The following ZDHHC8 variants were observed in gnomAD, a reference collection of about 807,000 sequenced individuals.
ZDHHC8 encodes the protein palmitoyltransferase ZDHHC8.
A neutral mutation model predicts 61.2 loss-of-function variants in ZDHHC8; 24 were observed. The observed-to-expected ratio is 0.39, with a 90% confidence interval of 0.28 to 0.55. The LOEUF (loss-of-function observed/expected upper bound fraction) is 0.55, where lower values mean the gene tolerates loss of function less well. Among genes scored for constraint, ZDHHC8 ranks in the 20% least tolerant of loss-of-function variants. The probability of loss-of-function intolerance (pLI) is 0.60; values close to 1 mark genes in which losing one functional copy is unlikely to be tolerated. For synonymous variants in ZDHHC8, 523 were observed against 492.5 expected, an observed-to-expected ratio of 1.06 and a Z score of -0.82; for missense variants, 935 against 1,102.1, an observed-to-expected ratio of 0.85 and a Z score of 2.15.
In ZDHHC8 at chr22:20,145,887, G is replaced by T. The variant is rs186872897; in HGVS notation, c.*487G>T. 227 of 985,960 alleles carry T rather than the reference G, an allele frequency of 2.3e-4. No homozygotes were observed. In the African/African-American group the frequency reaches 3.3e-3, roughly 14 times the overall value. 61.1% of individuals were successfully genotyped at this position (985,960 alleles called of 1,614,324 possible). On this transcript the variant is annotated 3_prime_UTR_variant, in exon 11 of 11. Coordinates refer to ENST00000334554, the MANE Select transcript of ZDHHC8 (RefSeq NM_013373.4). ...CCCCGCCAGGCTACTCCTAACTAAC[G>T]CGTTGCCTTTCACGGACCCCGCTGG...
chr22:20,143,100 C>T lies in ZDHHC8; in HGVS notation c.1470C>T (p.Gly490=), dbSNP rs1335772600. 2 of 1,612,228 alleles carry T rather than the reference C, an allele frequency of 1.2e-6. No homozygotes were observed. The highest frequency in any genetic ancestry group is 1.3e-5 in the African/African-American group (1 of 74,918). ...TGCTCAATCCTGGCTCGCCTGGTGG[C>T]CACGCCTGCCCTGCCCACCCAGCAG... ...DSLLNPGSPG[G]HACPAHPAVG... Residue 490 remains glycine, a synonymous_variant, in exon 10 of 11, where the codon GGC becomes GGT. Transcript: ENST00000334554.
intron 1 of ZDHHC8, among the ~76,000 whole-genome samples, chr22:20,138,084 G>A (rs536736145): frequency 6.6e-6 from 1 of 152,276 alleles, no homozygotes; most frequent in South Asian, 2.1e-4. Context: ...GGGCGGCGGG[G>A]CTGGCTCTTG....
rs539813777 is a variant in ZDHHC8, at chr22:20,140,776, T to C, written c.752+68T>C. Reference sequence around the variant, plus strand: ...GTGTGGGGCGGGCAGCCTTAGACCCTCTTGGTCCGTTTGGCTCTTGCCAGG... The same window carrying C: ...GTGTGGGGCGGGCAGCCTTAGACCCCCTTGGTCCGTTTGGCTCTTGCCAGG... On this transcript the variant is annotated intron_variant, in intron 6 of 10. Transcript: ENST00000334554. The C allele has an allele frequency of 5.4e-5, 86 of 1,594,586 alleles. No homozygotes were observed. In the East Asian group the frequency reaches 1.9e-3, roughly 35 times the overall value.
At chr22:20,144,201 C>T (rs2050501685) in intron 10 of ZDHHC8, among the ~76,000 whole-genome samples, 1 of 152,122 alleles carries the variant, frequency 6.6e-6, no homozygotes, top group Non-Finnish European at 1.5e-5. Flanking sequence ...AGGATATTAC[C>T]TAGCAGCAGA....
At chr22:20,138,104 G>T (rs1476242903) in intron 1 of ZDHHC8, among the ~76,000 whole-genome samples, 1 of 152,258 alleles carries the variant, frequency 6.6e-6, no homozygotes, top group Non-Finnish European at 1.5e-5. Flanking sequence ...GGCCAGGCGG[G>T]CGTGGGTGCA....
Position 20,140,717 on chromosome 22 carries a change from C to G in ZDHHC8, c.752+9C>G. On this transcript the variant is annotated intron_variant, in intron 6 of 10. Transcript: ENST00000334554. ...AGCCCCCTGGCGCCCCGGTGAGGCC[C>G]GGCCTGGGCAGGGTGGAGGGGGGCC... 1 of 1,608,050 alleles carries G rather than the reference C, an allele frequency of 6.2e-7. No homozygotes were observed. The highest frequency in any genetic ancestry group is 8.5e-7 in the Non-Finnish European group (1 of 1,178,180).
rs1247038164 is a variant in ZDHHC8 at position 20,139,876 on chromosome 22, G to A, written c.541G>A (p.Ala181Thr). 20 of 1,606,912 alleles carry A rather than the reference G, an allele frequency of 1.2e-5. No individual in the cohort carries two copies. In the East Asian group the frequency reaches 2.2e-4, roughly 18 times the overall value. ...VLNHAEGLGA[A>T]HTTITMAVMC... ...GAACCACGCTGAGGGGCTGGGAGCCGCGCACACCACCATCACGTATCCTTG... is the reference window on the plus strand; with the variant it reads ...GAACCACGCTGAGGGGCTGGGAGCCACGCACACCACCATCACGTATCCTTG... Residue 181 changes from alanine to threonine, a missense_variant, in exon 4 of 11, where the codon GCG becomes ACG. Transcript: ENST00000334554.
chr22:20,139,364 G>A, intron 2 of ZDHHC8, 49 bp downstream of exon 2: 2 of 1,607,124 alleles, frequency 1.2e-6, no homozygotes, highest in Non-Finnish European at 1.7e-6. Context: ...TAGAGTGTGA[G>A]TGGCTAACTT....
At position 20,147,127 on chromosome 22, in the gene ZDHHC8, C is replaced by G. The variant is rs1394711798; in HGVS notation, c.*1727C>G. 4 of 1,534,584 alleles carry G rather than the reference C, an allele frequency of 2.6e-6. No individual in the cohort carries two copies. The highest frequency in any genetic ancestry group is 1.4e-5 in the African/African-American group (1 of 71,946). ...TGGCCGCCCGGAGGACCGCCCACCA[C>G]TGCGGGCCCCCTGGAGCCAGGCCGC... On this transcript the variant is annotated 3_prime_UTR_variant, in exon 11 of 11. Coordinates refer to ENST00000334554, the MANE Select transcript of ZDHHC8 (RefSeq NM_013373.4).
chr22:20,131,930 GGCGGC>G lies in ZDHHC8; in HGVS notation c.-10_-6del. The G allele has an allele frequency of 8.9e-7, 1 of 1,117,542 alleles. No individual in the cohort carries two copies. Among genetic ancestry groups the G allele is most frequent in the Non-Finnish European group, 1.1e-6 (1 of 906,824 alleles). The allele number at this position is 1,117,542 out of a possible 1,614,324, so 69.2% of individuals were successfully genotyped here. On this transcript the variant is annotated 5_prime_UTR_variant, in exon 1 of 11. Transcript: ENST00000334554. ...CCCGCCCGGCCCCGGGGAGGGATGC[GGCGGC>G]GCGGCGCCCAGGATGCCCCGCAGCC... is the stretch of plus-strand genomic sequence containing the variant.
Position 20,140,697 on chromosome 22 carries a change from C to T in ZDHHC8, c.741C>T (p.Pro247=). The T allele has an allele frequency of 5.6e-6, 9 of 1,611,164 alleles. No homozygotes were observed. The highest frequency in any genetic ancestry group is 6.8e-6 in the Non-Finnish European group (8 of 1,179,418). The change falls in exon 6 of 11, where the codon CCC becomes CCT. Residue 247 remains proline (P), a synonymous_variant. Transcript: ENST00000334554. ...ATGTGGAGCACGTGCTGTGTAGCCC[C>T]CTGGCGCCCCGGTGAGGCCCGGCCT... ...CGNVEHVLCS[P]LAPRYVVEPP... is the part of the protein sequence containing the mutation.
chr22:20,131,956 C>T lies in ZDHHC8; in HGVS notation c.9C>T (p.Arg3=), dbSNP rs1168074319. Residue 3 remains arginine (R), a synonymous_variant, in exon 1 of 11, where the codon CGC becomes CGT. Coordinates refer to ENST00000334554, the MANE Select transcript of ZDHHC8 (RefSeq NM_013373.4). ...GCGGCGCGGCGCCCAGGATGCCCCG[C>T]AGCCCCGGGACGCGCCTCAAACCCG... The part of the protein sequence containing the change: MP[R]SPGTRLKPAK... 19 of 1,243,614 alleles carry T rather than the reference C, an allele frequency of 1.5e-5. 1 individual carries two copies. Among genetic ancestry groups the T allele is most frequent in the Admixed American group, 3.0e-5 (1 of 33,746 alleles). The allele number at this position is 1,243,614 out of a possible 1,614,324, so 77.0% of individuals were successfully genotyped here. A position where few individuals can be genotyped will look rare whatever the true frequency, so the allele number is the denominator to read the frequency against.
chr22:20,146,797 C>T lies in ZDHHC8; in HGVS notation c.*1397C>T. On this transcript the variant is annotated 3_prime_UTR_variant, in exon 11 of 11. Coordinates refer to ENST00000334554, the MANE Select transcript of ZDHHC8 (RefSeq NM_013373.4). ...GAGATGAAATGGGGGTGCATAGGGG[C>T]CACCTGTTGGCTCAGGGCCCTGTGG... 1 of 1,236,264 alleles carries T rather than the reference C, an allele frequency of 8.1e-7. No homozygotes were observed. The highest frequency in any genetic ancestry group is 1.0e-6 in the Non-Finnish European group (1 of 990,660). 76.6% of individuals were successfully genotyped at this position (1,236,264 alleles called of 1,614,324 possible).
Position 20,145,796 on chromosome 22 carries a change from G to A in ZDHHC8, c.*396G>A. ...CCCCTTACGGACAGGTCCCAGAGAT[G>A]GACAGAGGCACCCAGGGCCCCCACC... is the stretch of plus-strand genomic sequence containing the variant. On this transcript the variant is annotated 3_prime_UTR_variant, in exon 11 of 11. Transcript: ENST00000334554. 2 of 990,386 alleles carry A rather than the reference G, an allele frequency of 2.0e-6. No homozygotes were observed. The highest frequency in any genetic ancestry group is 2.4e-6 in the Non-Finnish European group (2 of 833,400). 61.3% of individuals were successfully genotyped at this position (990,386 alleles called of 1,614,324 possible).
Position 20,143,545 on chromosome 22 carries a change from C to T in ZDHHC8, c.1915C>T (p.Pro639Ser). Residue 639 changes from proline to serine, a missense_variant, in exon 10 of 11, where the codon CCG (proline) becomes TCG (serine). Physicochemically the swap from Pro to Ser is moderately conservative, Grantham distance 74. This residue lies in a region of ZDHHC8 where 692 missense variants were observed against 731.4 expected (regional missense o/e 0.95). Transcript: ENST00000334554. ...SSLSSSVSRA[P>S]RTSSSSLQAD... is the part of the protein sequence containing the mutation. ...GCTGTCCAGCTCCGTGAGCCGTGCA[C>T]CGCGGACGTCGTCCTCCTCCCTGCA... The T allele has an allele frequency of 6.3e-7, 1 of 1,596,814 alleles. No individual in the cohort carries two copies. Among genetic ancestry groups the T allele is most frequent in the Non-Finnish European group, 8.5e-7 (1 of 1,175,844 alleles).
rs756033796 is a variant in ZDHHC8 at position 20,140,614 on chromosome 22, C to T, written c.661-3C>T. Reference sequence around the variant, plus strand: ...AGGCTGGCTGAGGGTCCTGCATCCACAGGTGACTGGGAAGTTCCGCGGGGG... The same window carrying T: ...AGGCTGGCTGAGGGTCCTGCATCCATAGGTGACTGGGAAGTTCCGCGGGGG... On this transcript the variant is annotated splice_polypyrimidine_tract_variant and splice_region_variant and intron_variant, in intron 5 of 10. Transcript: ENST00000334554. 6.2e-7 allele frequency: 1 copy of T among 1,602,762 alleles called. No homozygotes were observed. Among genetic ancestry groups the T allele is most frequent in the South Asian group, 1.1e-5 (1 of 89,040 alleles).
Position 20,141,320 on chromosome 22 carries a change from C to A in ZDHHC8, c.998C>A (p.Pro333Gln), listed in dbSNP as rs775446136. Residue 333 changes from proline (P) to glutamine (Q), a missense_variant, in exon 8 of 11, where the codon CCG (proline) becomes CAG (glutamine). Physicochemically the swap from Pro to Gln is moderately conservative, Grantham distance 76. Transcript: ENST00000334554. ...AGTFSSDLQTPRPGSAESALS... is the reference protein window; with the variant it reads ...AGTFSSDLQTQRPGSAESALS... ...ACGTTCAGCAGTGACCTGCAGACCC[C>A]GCGCCCAGGCAGTGCTGGTGAGGTT... 6.2e-6 allele frequency: 10 copies of A among 1,612,406 alleles called. No individual in the cohort carries two copies. Among genetic ancestry groups the A allele is most frequent in the Non-Finnish European group, 8.5e-6 (10 of 1,179,766 alleles).
rs1453422360 is a variant in ZDHHC8, at chr22:20,142,558, C to T, written c.1126-198C>T. Among the ~76,000 whole-genome samples the T allele has an allele frequency of 8.5e-5, 13 of 152,310 alleles. 1 individual carries two copies. The South Asian group carries it at 1.9e-3, about 22-fold the overall frequency. ...AGGTGTCTGCAGTAGCCAGCTGTGG[C>T]CTCCCTCCTGTTGCAGAGCCCCTGC... On this transcript the variant is annotated intron_variant, in intron 9 of 10. Coordinates refer to ENST00000334554, the MANE Select transcript of ZDHHC8 (RefSeq NM_013373.4).
In ZDHHC8 at chr22:20,145,272, C is replaced by A; in HGVS notation, c.2170C>A (p.Gln724Lys). 1.3e-6 allele frequency: 2 copies of A among 1,550,206 alleles called. No homozygotes were observed. Among genetic ancestry groups the A allele is most frequent in the Non-Finnish European group, 1.7e-6 (2 of 1,150,904 alleles). ...GACTCCCCCAAGTAAGCTTAATGGG[C>A]AGTCCCCGGGCCTGGCCCGGCTGGG... is the stretch of plus-strand genomic sequence containing the variant. The part of the protein sequence containing the change: ...LKTPPSKLNG[Q>K]SPGLARLGPA... The change falls in exon 11 of 11, where the codon CAG becomes AAG. Residue 724 changes from glutamine (Q) to lysine (K), a missense_variant. By Grantham distance (53) the Gln-to-Lys change is moderately conservative. Transcript: ENST00000334554.
Sources: gnomAD v4.1 joint callset for allele counts (sites outside exome capture counted in the v4.1 genomes callset) on GRCh38, gnomAD v4.1.1 for gene constraint, gnomAD v4.1.1 regional missense constraint, MANE v1.5 for transcripts, NCBI Gene and HGNC (gene_info 2026-07-23, HGNC 2026-07-21) for gene names.